RNF220: variants seen among roughly 807,000 people sequenced by gnomAD.
RNF220 encodes the protein E3 ubiquitin-protein ligase RNF220.
RNF220 carries 7 observed loss-of-function variants against 67.1 expected under a neutral mutation model. The observed-to-expected ratio is 0.10, with a 90% CI of 0.06 to 0.20. The LOEUF (loss-of-function observed/expected upper bound fraction) is 0.20. RNF220 is among the 10% of genes least tolerant of loss of function. RNF220 has a pLI of 1.00. For missense variants in RNF220, 565 were observed against 740.3 expected (o/e 0.76, Z 2.75); for synonymous variants, 270 against 283.2 (o/e 0.95, Z 0.47).
At position 44,624,228 on chromosome 1, in the gene RNF220, C is replaced by A. The variant is rs1474699834; in HGVS notation, c.804+1441C>A. 6.6e-6 allele frequency among the ~76,000 whole-genome samples: 1 copy of A among 152,178 alleles called. No homozygotes were observed. The highest frequency in any genetic ancestry group is 1.5e-5 in the Non-Finnish European group (1 of 68,024). On this transcript the variant is annotated intron_variant, in intron 4 of 14. Coordinates refer to ENST00000361799, the MANE Select transcript of RNF220 (RefSeq NM_018150.4). This position sits in a 1 kb window ranked among gnomAD's most constrained non-coding sequence, Gnocchi z 4.2. ...CACTCACTGAGTGTGGCCCAGCCTG[C>A]AGCATTTAATGGTGTGGTTCAGGAA...
intron 5 of RNF220, among the ~76,000 whole-genome samples, chr1:44,630,396 C>G (rs1277166762): frequency 6.6e-6 from 1 of 152,186 alleles, no homozygotes; most frequent in African/African-American, 2.4e-5. Context: ...TTGTAAGTAA[C>G]AGAATTAGGA....
At chr1:44,616,644 G>GA (rs113590364) in intron 3 of RNF220, among the ~76,000 whole-genome samples, 1,807 of 151,424 alleles carry the variant, frequency 0.012, 47 homozygotes, top group African/African-American at 0.041. Flanking sequence ...CAGAAAGTGG[G>GA]AAAAAAAAAT....
At chr1:44,585,148 C>A (rs188373462) in intron 2 of RNF220, among the ~76,000 whole-genome samples, 17 of 152,300 alleles carry the variant, frequency 1.1e-4, no homozygotes, top group African/African-American at 4.1e-4. Context: ...CTCCTGACTC[C>A]CCAGGCCCCG....
chr1:44,491,675 T>A (rs950007026), intron 2 of RNF220, among the ~76,000 whole-genome samples: 5 of 151,930 alleles, frequency 3.3e-5, no homozygotes, highest in African/African-American at 9.7e-5. Context: ...TTTTTTTTTT[T>A]ACTTTTGAGA....
At chr1:44,518,544 T>G (rs575263322) in intron 2 of RNF220, among the ~76,000 whole-genome samples, 1 of 152,112 alleles carries the variant, frequency 6.6e-6, no homozygotes, top group Admixed American at 6.5e-5. Flanking sequence ...TGCATGGTAT[T>G]CCTGGAGTTT....
At chr1:44,484,680 G>A (rs1416857417) in intron 2 of RNF220, among the ~76,000 whole-genome samples, 3 of 152,104 alleles carry the variant, frequency 2.0e-5, no homozygotes, top group African/African-American at 4.8e-5. Context: ...GGGGTCCCTC[G>A]GTATTGCTGT....
chr1:44,619,864 A>C (rs1462672405), intron 3 of RNF220, among the ~76,000 whole-genome samples: 1 of 152,186 alleles, frequency 6.6e-6, no homozygotes, highest in Non-Finnish European at 1.5e-5. Flanking sequence ...GTTGGAGGGA[A>C]GATAGGGAGG....
At chr1:44,457,254 A>G (rs1653283302) in intron 2 of RNF220, among the ~76,000 whole-genome samples, 1 of 152,248 alleles carries the variant, frequency 6.6e-6, no homozygotes, top group African/African-American at 2.4e-5. Context: ...AAGGAAAAGA[A>G]TAGCTTATCA....
chr1:44,541,469 T>G (rs1449778451), intron 2 of RNF220, among the ~76,000 whole-genome samples: 1 of 152,216 alleles, frequency 6.6e-6, no homozygotes, highest in Non-Finnish European at 1.5e-5. Flanking sequence ...AGCTAGTAAC[T>G]GACAGAACTG....
At chr1:44,486,352 C>G (rs542252599) in intron 2 of RNF220, among the ~76,000 whole-genome samples, 1 of 152,182 alleles carries the variant, frequency 6.6e-6, no homozygotes, top group African/African-American at 2.4e-5. Context: ...GAGAAAATCA[C>G]GGGCAATAGA....
chr1:44,634,107 G>A (rs2148479376), intron 6 of RNF220, among the ~76,000 whole-genome samples: 1 of 152,340 alleles, frequency 6.6e-6, no homozygotes, highest in East Asian at 1.9e-4. Flanking sequence ...GGGTTGCTCT[G>A]TTTTGGAGTT....
chr1:44,602,577 A>C (rs1666997627), intron 2 of RNF220, among the ~76,000 whole-genome samples: 1 of 152,002 alleles, frequency 6.6e-6, no homozygotes, highest in Admixed American at 6.5e-5. Flanking sequence ...TGTCCACTGC[A>C]TCCCTCCCAG....
intron 1 of RNF220, among the ~76,000 whole-genome samples, chr1:44,406,309 C>A (rs558014295): frequency 1.6e-4 from 25 of 152,270 alleles, no homozygotes; most frequent in African/African-American, 6.0e-4. Context: ...GCGGACCGTT[C>A]TAAACGCCAC....
chr1:44,410,813 A>G (rs1440972798), intron 1 of RNF220: 1 of 152,190 alleles, frequency 6.6e-6, no homozygotes, highest in Non-Finnish European at 1.5e-5. Flanking sequence ...TATTTCGTGT[A>G]TATTTTTGAC....
At chr1:44,535,858 G>A (rs1245432085) in intron 2 of RNF220, among the ~76,000 whole-genome samples, 5 of 152,170 alleles carry the variant, frequency 3.3e-5, no homozygotes, top group Non-Finnish European at 5.9e-5. Context: ...TCCCAACAGT[G>A]AGGCTGCTGG....
intron 1 of RNF220, among the ~76,000 whole-genome samples, chr1:44,409,644 A>G (rs1647770045): frequency 6.6e-6 from 1 of 152,246 alleles, no homozygotes; most frequent in Non-Finnish European, 1.5e-5. Flanking sequence ...AGTAACAGTT[A>G]CTTACTTTCC....
At chr1:44,459,636 A>G (rs6662182) in intron 2 of RNF220, among the ~76,000 whole-genome samples, 29,923 of 152,108 alleles carry the variant, frequency 0.2, 3,209 homozygotes, top group Middle Eastern at 0.26. Context: ...CCACATGGCC[A>G]AAGAAAGGCA....
chr1:44,446,731 G>T (rs889650733), intron 2 of RNF220, among the ~76,000 whole-genome samples: 28 of 151,984 alleles, frequency 1.8e-4, no homozygotes, highest in Non-Finnish European at 3.7e-4. Flanking sequence ...GCTAATTTTT[G>T]TATTTTTAGT....
At chr1:44,514,078 G>C (rs377329184) in intron 2 of RNF220, among the ~76,000 whole-genome samples, 6 of 152,004 alleles carry the variant, frequency 3.9e-5, no homozygotes, top group Non-Finnish European at 8.8e-5. Context: ...TCCTTGTATC[G>C]CTTAGTCCTA....
Sources: gnomAD v4.1 joint callset for allele counts (sites outside exome capture counted in the v4.1 genomes callset) on GRCh38, gnomAD v4.1.1 for gene constraint, Gnocchi (gnomAD v3.1) non-coding constraint, MANE v1.5 for transcripts, NCBI Gene and HGNC (gene_info 2026-07-23, HGNC 2026-07-21) for gene names.